THSD7B: variants seen among roughly 807,000 people sequenced by gnomAD.
THSD7B encodes thrombospondin type 1 domain containing 7B.
Under a neutral mutation model 213.6 loss-of-function variants are expected in THSD7B, and 138 were observed. That is an observed-to-expected ratio of 0.65 (90% CI 0.56 to 0.74). The LOEUF is 0.74. Ranked by LOEUF, THSD7B falls within the 30% of genes least tolerant of loss-of-function variation. The pLI is 0.00. For missense variants in THSD7B, 1,931 were observed against 1,991.5 expected (o/e 0.97, Z 0.58); for synonymous variants, 742 against 687.0 (o/e 1.08, Z -1.25).
chr2:137,096,330 G>A (rs928477064), intron 4 of THSD7B, among the ~76,000 whole-genome samples: 2 of 152,122 alleles, frequency 1.3e-5, no homozygotes, highest in Non-Finnish European at 2.9e-5. Flanking sequence ...GAAGGGTATG[G>A]GTTACTGACC....
At chr2:136,873,387 G>T (rs1200816522) in intron 1 of THSD7B, among the ~76,000 whole-genome samples, 2 of 152,174 alleles carry the variant, frequency 1.3e-5, no homozygotes, top group Non-Finnish European at 2.9e-5. Context: ...GCAGAGTGAG[G>T]TGCAGAGAGG....
intron 2 of THSD7B, among the ~76,000 whole-genome samples, chr2:136,970,339 C>T (rs1279324891): frequency 2.0e-5 from 3 of 152,030 alleles, no homozygotes; most frequent in African/African-American, 7.2e-5. Flanking sequence ...TGGCACGAGC[C>T]TGTGGTCCTC....
intron 15 of THSD7B, among the ~76,000 whole-genome samples, chr2:137,525,388 T>G (rs566867803): frequency 6.6e-6 from 1 of 152,266 alleles, no homozygotes; most frequent in African/African-American, 2.4e-5. Flanking sequence ...CTCTCTTTAT[T>G]TTGACAGGCA....
At chr2:137,540,984 G>A (rs894937177) in intron 15 of THSD7B, among the ~76,000 whole-genome samples, 4 of 151,734 alleles carry the variant, frequency 2.6e-5, no homozygotes, top group Middle Eastern at 3.4e-3. Context: ...GCAAAAAATT[G>A]AAAACAAAGG....
chr2:137,408,821 C>T (rs1686585645), intron 13 of THSD7B, among the ~76,000 whole-genome samples: 2 of 152,194 alleles, frequency 1.3e-5, no homozygotes, highest in Admixed American at 6.5e-5. Context: ...TCTAACCACT[C>T]TTCCATGTTC....
chr2:137,359,533 G>A (rs2104932502), intron 12 of THSD7B, among the ~76,000 whole-genome samples: 1 of 152,270 alleles, frequency 6.6e-6, no homozygotes, highest in African/African-American at 2.4e-5. Flanking sequence ...TTCGGGGTAG[G>A]TAAGCGCTTA....
chr2:136,828,392 C>T (rs1439860400), intron 1 of THSD7B, among the ~76,000 whole-genome samples: 1 of 152,172 alleles, frequency 6.6e-6, no homozygotes, highest in Non-Finnish European at 1.5e-5. Flanking sequence ...CTCTCCCTCC[C>T]CACAGCCACC....
chr2:137,327,473 C>CTTCTCTGTT (rs1472308489), intron 12 of THSD7B, among the ~76,000 whole-genome samples: 1 of 152,088 alleles, frequency 6.6e-6, no homozygotes, highest in African/African-American at 2.4e-5. Context: ...TCCATTCTCT[C>CTTCTCTGTT]TTCTCTGTTT....
chr2:137,648,632 G>T (rs1683081405), intron 21 of THSD7B, among the ~76,000 whole-genome samples: 1 of 152,106 alleles, frequency 6.6e-6, no homozygotes, highest in Non-Finnish European at 1.5e-5. Flanking sequence ...ATCCATTGAT[G>T]TGCACTTAGG....
chr2:136,892,933 G>A (rs1412143750), intron 2 of THSD7B, among the ~76,000 whole-genome samples: 1 of 152,062 alleles, frequency 6.6e-6, no homozygotes, highest in Admixed American at 6.5e-5. Context: ...GCCTCTTCAT[G>A]TTGCAGAATT....
At chr2:136,840,349 A>G (rs962148306) in intron 1 of THSD7B, among the ~76,000 whole-genome samples, 1 of 152,194 alleles carries the variant, frequency 6.6e-6, no homozygotes, top group Non-Finnish European at 1.5e-5. Flanking sequence ...ATTGCACTCC[A>G]GCCTGGGTGA....
intron 12 of THSD7B, among the ~76,000 whole-genome samples, chr2:137,354,482 T>G (rs2104925506): frequency 6.6e-6 from 1 of 152,272 alleles, no homozygotes; most frequent in Admixed American, 6.5e-5. Flanking sequence ...AATCATCTAT[T>G]AAAATCATTC....
chr2:137,277,764 G>A (rs1227862959), intron 12 of THSD7B, among the ~76,000 whole-genome samples: 1 of 152,182 alleles, frequency 6.6e-6, no homozygotes, highest in Non-Finnish European at 1.5e-5. Context: ...AAATAAAATG[G>A]TATATCCTGG....
At chr2:136,793,745 T>C (rs1047411345) in intron 1 of THSD7B, among the ~76,000 whole-genome samples, 2 of 151,968 alleles carry the variant, frequency 1.3e-5, no homozygotes, top group African/African-American at 4.8e-5. Flanking sequence ...TTTCTTGTAA[T>C]ATCCTTCTTA....
In THSD7B at chr2:137,017,335, G is replaced by A. The variant is rs181153676; in HGVS notation, c.140-39085G>A. Among the ~76,000 whole-genome samples the A allele has an allele frequency of 5.7e-4, 86 of 151,588 alleles. 1 individual carries two copies. Among genetic ancestry groups the A allele is most frequent in the Admixed American group, 4.1e-3 (62 of 15,222 alleles). On this transcript the variant is annotated intron_variant, in intron 2 of 27. Transcript: ENST00000409968. ...TTTATAAGAGAAAGTTAATTTTGGT[G>A]GTTAGGGGATATAACCAATTTGGGG...
intron 1 of THSD7B, among the ~76,000 whole-genome samples, chr2:136,829,999 C>T (rs967263221): frequency 1.3e-5 from 2 of 151,908 alleles, no homozygotes; most frequent in East Asian, 1.9e-4. Context: ...TCTGTAACTG[C>T]GAATGGTAGT....
At chr2:137,304,639 G>T (rs1683701057) in intron 12 of THSD7B, among the ~76,000 whole-genome samples, 1 of 151,860 alleles carries the variant, frequency 6.6e-6, no homozygotes, top group Non-Finnish European at 1.5e-5. Context: ...TTTCTTCACT[G>T]GTATATGTAT....
chr2:137,138,028 A>C (rs996485317), intron 5 of THSD7B, among the ~76,000 whole-genome samples: 2 of 152,054 alleles, frequency 1.3e-5, no homozygotes, highest in African/African-American at 4.8e-5. Flanking sequence ...CCTCCCAAGT[A>C]GCTGAGAACC....
At chr2:137,610,986 A>G (rs1244706706) in intron 17 of THSD7B, among the ~76,000 whole-genome samples, 1 of 147,944 alleles carries the variant, frequency 6.8e-6, no homozygotes, top group Non-Finnish European at 1.5e-5. Context: ...TAAAACTTAA[A>G]GTATAATAAT....
Sources: allele counts gnomAD v4.1 joint callset (sites outside exome capture counted in the v4.1 genomes callset), GRCh38; gene constraint gnomAD v4.1.1; transcripts MANE v1.5; gene names NCBI Gene and HGNC (gene_info 2026-07-23, HGNC 2026-07-21).